RALGPS1: variants seen among roughly 807,000 people sequenced by gnomAD.
RALGPS1 encodes Ral GEF with PH domain and SH3 binding motif 1.
RALGPS1 carries 19 observed loss-of-function variants against 78.8 expected under a neutral mutation model. The observed-to-expected ratio is 0.24, with a 90% CI of 0.17 to 0.35. The LOEUF (loss-of-function observed/expected upper bound fraction) is 0.35. Ranked by LOEUF, RALGPS1 falls within the 10% of genes least tolerant of loss-of-function variation. The probability of loss-of-function intolerance (pLI) is 1.00; values close to 1 mark genes in which losing one functional copy is unlikely to be tolerated. For synonymous variants in RALGPS1, 228 were observed against 256.3 expected, an observed-to-expected ratio of 0.89 and a Z score of 1.06; for missense variants, 454 against 688.3, an observed-to-expected ratio of 0.66 and a Z score of 3.81.
At chr9:127,041,518 A>G (rs2047320536) in intron 5 of RALGPS1, among the ~76,000 whole-genome samples, 1 of 152,124 alleles carries the variant, frequency 6.6e-6, no homozygotes, top group Admixed American at 6.5e-5. Context: ...ATTGTCAGCT[A>G]TTTTGTGTTT....
chr9:126,942,964 G>A (rs1369796557), intron 1 of RALGPS1, among the ~76,000 whole-genome samples: 1 of 151,816 alleles, frequency 6.6e-6, no homozygotes, highest in African/African-American at 2.4e-5. Flanking sequence ...GGGCCATTAC[G>A]CTTTCTAGCT....
intron 8 of RALGPS1, among the ~76,000 whole-genome samples, chr9:127,099,053 G>GA (rs2053457153): frequency 6.6e-6 from 1 of 152,236 alleles, no homozygotes; most frequent in South Asian, 2.1e-4. Context: ...TCTTCTCTCT[G>GA]ACGTGCCTGA....
At chr9:126,989,084 GCAT>G (rs143688289) in intron 4 of RALGPS1, among the ~76,000 whole-genome samples, 37 of 151,670 alleles carry the variant, frequency 2.4e-4, no homozygotes, top group African/African-American at 2.7e-4. Context: ...ATCATCATCA[GCAT>G]CATCATCATC....
chr9:127,155,916 C>A (rs1442467611), intron 8 of RALGPS1, among the ~76,000 whole-genome samples: 3 of 148,772 alleles, frequency 2.0e-5, no homozygotes, highest in Non-Finnish European at 3.0e-5. Flanking sequence ...TTTTTTACTT[C>A]TAAAACTGTA....
chr9:126,999,617 A>G (rs975454365), intron 4 of RALGPS1, among the ~76,000 whole-genome samples: 51 of 152,168 alleles, frequency 3.4e-4, no homozygotes, highest in African/African-American at 1.2e-3. Context: ...ATTTAGTAAT[A>G]AGCATTTATG....
intron 4 of RALGPS1, among the ~76,000 whole-genome samples, chr9:127,029,284 A>G (rs2046220451): frequency 6.6e-6 from 1 of 152,152 alleles, no homozygotes; most frequent in Non-Finnish European, 1.5e-5. Flanking sequence ...CACTCTGGTC[A>G]GGTCCCCAAA....
At chr9:127,167,659 A>T (rs2059362503) in intron 9 of RALGPS1, among the ~76,000 whole-genome samples, 1 of 152,238 alleles carries the variant, frequency 6.6e-6, no homozygotes, top group South Asian at 2.1e-4. Flanking sequence ...CACTTCAGAG[A>T]GAGGACACTG....
At chr9:126,956,565 G>A (rs1753077) in intron 1 of RALGPS1, among the ~76,000 whole-genome samples, 88,873 of 151,842 alleles carry the variant, frequency 0.59, 30,103 homozygotes, top group East Asian at 0.81. Flanking sequence ...CGGCTGCCAT[G>A]CTTCATCTGT....
chr9:127,201,706 G>C (rs2061641420), intron 14 of RALGPS1, among the ~76,000 whole-genome samples: 1 of 151,910 alleles, frequency 6.6e-6, no homozygotes, highest in African/African-American at 2.4e-5. Flanking sequence ...GCTCCTCCAG[G>C]TCCTCCCTCC....
rs11354346 is a variant in RALGPS1 at position 127,175,677 on chromosome 9, CTTTTTTTT to C, written c.910+912_910+919del. Among the ~76,000 whole-genome samples, 8 of 109,002 alleles carry C rather than the reference CTTTTTTTT, an allele frequency of 7.3e-5. No individual in the cohort carries two copies. The East Asian group carries it at 9.6e-4, about 13-fold the overall frequency. The allele number at this position is 109,002 out of a possible 152,430, so 71.5% of individuals were successfully genotyped here. A position where few individuals can be genotyped will look rare whatever the true frequency, so the allele number is the denominator to read the frequency against. On this transcript the variant is annotated intron_variant, in intron 11 of 18. Coordinates refer to ENST00000259351, the MANE Select transcript of RALGPS1 (RefSeq NM_014636.3). ...AAGTGACTTAACCCCTTTGGGCCTC[CTTTTTTTT>C]TTTTTTTTTTTTTTTTATCCTATAA...
chr9:126,945,263 A>G (rs372824020), intron 1 of RALGPS1, among the ~76,000 whole-genome samples: 2 of 152,198 alleles, frequency 1.3e-5, no homozygotes, highest in East Asian at 1.9e-4. Context: ...CGGTGGCACA[A>G]TCTCGGCTCA....
intron 8 of RALGPS1, among the ~76,000 whole-genome samples, chr9:127,115,247 TGG>T (rs1028058788): frequency 1.2e-4 from 18 of 152,106 alleles, no homozygotes; most frequent in African/African-American, 4.3e-4. Context: ...TGGAGTGCAA[TGG>T]CACCATCTCA....
At chr9:126,992,130 T>C (rs976274058) in intron 4 of RALGPS1, among the ~76,000 whole-genome samples, 18 of 152,352 alleles carry the variant, frequency 1.2e-4, no homozygotes, top group African/African-American at 4.3e-4. Flanking sequence ...ACCTGGATTT[T>C]TATCTCTGTG....
intron 1 of RALGPS1, among the ~76,000 whole-genome samples, chr9:126,960,526 G>A (rs2038807932): frequency 6.6e-6 from 1 of 151,976 alleles, no homozygotes; most frequent in Non-Finnish European, 1.5e-5. Context: ...GAGCCACTGT[G>A]CCTGGCCACC....
At chr9:126,949,729 G>A (rs1368214036) in intron 1 of RALGPS1, among the ~76,000 whole-genome samples, 1 of 152,020 alleles carries the variant, frequency 6.6e-6, no homozygotes, top group Non-Finnish European at 1.5e-5. Context: ...TGTCAGATGA[G>A]TAGGTTGTGA....
At position 126,990,695 on chromosome 9, in the gene RALGPS1, G is replaced by A. The variant is rs920410847; in HGVS notation, c.216+12950G>A. 5.9e-5 allele frequency among the ~76,000 whole-genome samples: 9 copies of A among 152,144 alleles called. No homozygotes were observed. In the East Asian group the frequency reaches 1.7e-3, roughly 29 times the overall value. ...CCTTCTCATGCTCCCTCTCATAGCC[G>A]CCTCATACTTCTTACGTATGGCACT... is the stretch of plus-strand genomic sequence containing the variant. On this transcript the variant is annotated intron_variant, in intron 4 of 18. Coordinates refer to ENST00000259351, the MANE Select transcript of RALGPS1 (RefSeq NM_014636.3).
chr9:127,193,885 T>C (rs1279222158), intron 11 of RALGPS1, among the ~76,000 whole-genome samples: 1 of 152,208 alleles, frequency 6.6e-6, no homozygotes, highest in African/African-American at 2.4e-5. Flanking sequence ...TAGCCAGAGC[T>C]AGGCGAGCCT....
At chr9:127,146,892 C>G (rs977235514) in intron 8 of RALGPS1, among the ~76,000 whole-genome samples, 2 of 152,174 alleles carry the variant, frequency 1.3e-5, no homozygotes, top group Admixed American at 1.3e-4. Flanking sequence ...TAGGCATATA[C>G]CCAGTAATGG....
chr9:127,113,054 C>T (rs62578764), intron 8 of RALGPS1, among the ~76,000 whole-genome samples: 56,933 of 152,010 alleles, frequency 0.37, 12,499 homozygotes, highest in Non-Finnish European at 0.48. Flanking sequence ...TACTGTTACA[C>T]CTCTGTGGGG....
Sources: gnomAD v4.1 joint callset for allele counts (sites outside exome capture counted in the v4.1 genomes callset) on GRCh38, gnomAD v4.1.1 for gene constraint, MANE v1.5 for transcripts, NCBI Gene and HGNC (gene_info 2026-07-23, HGNC 2026-07-21) for gene names.